Variants in HGS observed in about 807,000 individuals in gnomAD.
The protein encoded by HGS is human growth factor-regulated tyrosine kinase substrate.
HGS carries 63 observed loss-of-function variants against 109.7 expected under a neutral mutation model. That is an observed-to-expected ratio of 0.57 (90% CI 0.47 to 0.71). The LOEUF (loss-of-function observed/expected upper bound fraction) is 0.71. Ranked by LOEUF, HGS falls within the 30% of genes least tolerant of loss-of-function variation. HGS has a pLI of 0.00. For synonymous variants in HGS, 546 were observed against 437.3 expected, an observed-to-expected ratio of 1.25 and a Z score of -3.10; for missense variants, 995 against 1,068.3, an observed-to-expected ratio of 0.93 and a Z score of 0.96.
chr17:81,695,330 C>G, intron 14 of HGS, 107 bp downstream of exon 14: 1 of 1,237,896 alleles, frequency 8.1e-7, no homozygotes, highest in South Asian at 1.3e-5. Flanking sequence ...CGTGCTAGAG[C>G]AAGGGTGTCT....
At chr17:81,688,654 C>T in intron 4 of HGS, 50 bp from the exon 5 acceptor site, 2 of 1,606,854 alleles carry the variant, frequency 1.2e-6, no homozygotes, top group Non-Finnish European at 1.7e-6. Context: ...ACCGAGGCCT[C>T]TGGCGCCTGG....
At chr17:81,684,980 G>C in intron 1 of HGS, 1 of 985,418 alleles carries the variant, frequency 1.0e-6, no homozygotes, top group Non-Finnish European at 1.2e-6. Flanking sequence ...GATCGTTTCT[G>C]TATCCGGGAA....
intron 14 of HGS, among the ~76,000 whole-genome samples, chr17:81,695,433 C>T (rs1338692766): frequency 6.6e-6 from 1 of 152,268 alleles, no homozygotes; most frequent in Non-Finnish European, 1.5e-5. Context: ...GCTCGGGCCA[C>T]TCTCTGTGGA....
rs556225467 is a variant in HGS, at chr17:81,691,026, G to A, written c.537+284G>A. Among the ~76,000 whole-genome samples, 62 of 152,328 alleles carry A rather than the reference G, an allele frequency of 4.1e-4. No individual in the cohort carries two copies. The highest frequency in any genetic ancestry group is 1.4e-3 in the African/African-American group (60 of 41,568). ...AGTCACTCTGCTGCTTGCCAGGGCC[G>A]TGGGGCCCCCTTCTCTTTGTGGCTT... On this transcript the variant is annotated intron_variant, in intron 7 of 21. Coordinates refer to ENST00000329138, the MANE Select transcript of HGS (RefSeq NM_004712.5). This position sits in a 1 kb window ranked among gnomAD's most constrained non-coding sequence, Gnocchi z 5.3.
At position 81,691,783 on chromosome 17, in the gene HGS, G is replaced by A; in HGVS notation, c.662+212G>A. ...TGGGTGTGAGAGACAGGGCGCCGCG[G>A]CTCCAGGGACCGAGGCTGCCCCGAC... On this transcript the variant is annotated intron_variant, in intron 8 of 21. Transcript: ENST00000329138. The surrounding 1 kb of genome is among the most constrained non-coding windows in gnomAD (Gnocchi z 5.3). The A allele has an allele frequency of 1.8e-6, 1 of 543,404 alleles. No individual in the cohort carries two copies. The highest frequency in any genetic ancestry group is 1.9e-5 in the African/African-American group (1 of 53,028). 33.7% of individuals were successfully genotyped at this position (543,404 alleles called of 1,614,324 possible). A position where few individuals can be genotyped will look rare whatever the true frequency, so the allele number is the denominator to read the frequency against.
In HGS at chr17:81,695,768, A is replaced by G. The variant is rs748488460; in HGVS notation, c.1180-18A>G. On this transcript the variant is annotated intron_variant, in intron 14 of 21. Transcript: ENST00000329138. The stretch of plus-strand genomic sequence containing the variant: ...TGGGGCGTGGCCGCACTCATCCAGA[A>G]CCCTGCTCTGCCTGCAGCCACAGTT... 1 of 1,612,508 alleles carries G rather than the reference A, an allele frequency of 6.2e-7. No individual in the cohort carries two copies. Among genetic ancestry groups the G allele is most frequent in the South Asian group, 1.1e-5 (1 of 91,064 alleles).
Position 81,691,647 on chromosome 17 carries a change from G to T in HGS, c.662+76G>T, listed in dbSNP as rs1389597049. 4.5e-6 allele frequency: 7 copies of T among 1,572,432 alleles called. No individual in the cohort carries two copies. The African/African-American group carries it at 6.7e-5, about 15-fold the overall frequency. Reference sequence around the variant, plus strand: ...TGGGTTTTCTGTCCCTCTTGGCCATGGTGCCTGAGGCCTGCAGACCCCAGA... The same window carrying T: ...TGGGTTTTCTGTCCCTCTTGGCCATTGTGCCTGAGGCCTGCAGACCCCAGA... On this transcript the variant is annotated intron_variant, in intron 8 of 21. Transcript: ENST00000329138. This position sits in a 1 kb window ranked among gnomAD's most constrained non-coding sequence, Gnocchi z 5.3.
Position 81,693,596 on chromosome 17 carries a change from C to G in HGS, c.741+15C>G, listed in dbSNP as rs767432601. 1 of 1,574,080 alleles carries G rather than the reference C, an allele frequency of 6.4e-7. No individual in the cohort carries two copies. Among genetic ancestry groups the G allele is most frequent in the Admixed American group, 1.7e-5 (1 of 57,904 alleles). On this transcript the variant is annotated intron_variant, in intron 9 of 21. Coordinates refer to ENST00000329138, the MANE Select transcript of HGS (RefSeq NM_004712.5). ...AGCAGTCCCAGGTACTCAGCCCCCT[C>G]CGTCCCGTGGGCACCTCTTCCCCGG... is the stretch of plus-strand genomic sequence containing the variant.
intron 9 of HGS, 29 bp from the exon 10 acceptor site, chr17:81,693,625 C>A (rs761617624): frequency 6.5e-7 from 1 of 1,544,774 alleles, no homozygotes; most frequent in Non-Finnish European, 8.8e-7. Context: ...TCCCCGGCGC[C>A]CCCCCTCACC....
In HGS at chr17:81,696,684, G is replaced by A; in HGVS notation, c.1644G>A (p.Glu548=). 6.2e-7 allele frequency: 1 copy of A among 1,611,332 alleles called. No homozygotes were observed. The highest frequency in any genetic ancestry group is 1.1e-5 in the South Asian group (1 of 91,054). The change falls in exon 17 of 22, where the codon GAG becomes GAA. Residue 548 remains glutamate (E), a synonymous_variant. Coordinates refer to ENST00000329138, the MANE Select transcript of HGS (RefSeq NM_004712.5). ...AGAAGGAGCGGCAGATGCGGCTGGAGCAGCAGAAGCAGACGGTCCAGATGC... is the reference window on the plus strand; with the variant it reads ...AGAAGGAGCGGCAGATGCGGCTGGAACAGCAGAAGCAGACGGTCCAGATGC... ...EQEKERQMRL[E]QQKQTVQMRA...
chr17:81,697,279 G>A, intron 18 of HGS: 1 of 353,250 alleles, frequency 2.8e-6, no homozygotes, highest in Non-Finnish European at 5.2e-6. Flanking sequence ...CTCGTCTGTA[G>A]CAGGCTCAGC....
At chr17:81,693,066 A>G (rs540287951) in intron 8 of HGS, 1 of 170,436 alleles carries the variant, frequency 5.9e-6, no homozygotes, top group African/African-American at 2.4e-5. Context: ...GTGGTTGGAA[A>G]TTGCGACCAT....
rs1025196022 is a variant in HGS, at chr17:81,701,765, A to C, written c.*147A>C. 2.5e-6 allele frequency: 3 copies of C among 1,208,032 alleles called. No homozygotes were observed. The highest frequency in any genetic ancestry group is 1.7e-5 in the South Asian group (1 of 59,726). The allele number at this position is 1,208,032 out of a possible 1,614,324, so 74.8% of individuals were successfully genotyped here. A position where few individuals can be genotyped will look rare whatever the true frequency, so the allele number is the denominator to read the frequency against. ...GAGGGGGGGCCTTCACCCCAAGCCC[A>C]CCTCCCTTGTCCTCAGCCTACTGCA... On this transcript the variant is annotated 3_prime_UTR_variant, in exon 22 of 22. Coordinates refer to ENST00000329138, the MANE Select transcript of HGS (RefSeq NM_004712.5).
In HGS at chr17:81,701,556, C is replaced by G; in HGVS notation, c.2272C>G (p.Gln758Glu). 1 of 1,570,898 alleles carries G rather than the reference C, an allele frequency of 6.4e-7. No individual in the cohort carries two copies. The highest frequency in any genetic ancestry group is 8.6e-7 in the Non-Finnish European group (1 of 1,165,404). Residue 758 changes from glutamine (Q) to glutamate (E), a missense_variant, in exon 22 of 22, where the codon CAA (glutamine) becomes GAA (glutamate). By Grantham distance (29) the Gln-to-Glu change is conservative. This residue lies in a region of HGS where 326 missense variants were observed against 309.7 expected (regional missense o/e 1.05). Transcript: ENST00000329138. ...PPQQQPPVAQQPQAQGPPAQG... is the reference protein window; with the variant it reads ...PPQQQPPVAQEPQAQGPPAQG... ...CCAGCAGCAGCCCCCCGTGGCCCAGCAACCGCAGGCACAGGGGCCGCCGGC... is the reference window on the plus strand; with the variant it reads ...CCAGCAGCAGCCCCCCGTGGCCCAGGAACCGCAGGCACAGGGGCCGCCGGC...
rs540252747 is a variant in HGS, at chr17:81,696,952, G to A, written c.1836G>A (p.Pro612=). Residue 612 remains proline (P), a synonymous_variant, in exon 18 of 22, where the codon CCG becomes CCA. Coordinates refer to ENST00000329138, the MANE Select transcript of HGS (RefSeq NM_004712.5). Reference sequence around the variant, plus strand: ...TGCACGGCGTGTACATGAGCCAGCCGGCCCCTGCCGCTGGCCCCTACCCCA... The same window carrying A: ...TGCACGGCGTGTACATGAGCCAGCCAGCCCCTGCCGCTGGCCCCTACCCCA... ...SPMHGVYMSQ[P]APAAGPYPSM... 9.0e-5 allele frequency: 144 copies of A among 1,603,090 alleles called. 1 individual carries two copies. The South Asian group carries it at 1.1e-3, about 12-fold the overall frequency.
intron 8 of HGS, among the ~76,000 whole-genome samples, chr17:81,693,293 C>T (rs901604897): frequency 2.0e-5 from 3 of 152,242 alleles, no homozygotes; most frequent in Non-Finnish European, 4.4e-5. Flanking sequence ...CCCTGAGGGA[C>T]TCACCCGAGC....
chr17:81,688,281 C>G (rs1022413861), intron 4 of HGS, among the ~76,000 whole-genome samples: 1 of 152,104 alleles, frequency 6.6e-6, no homozygotes, highest in East Asian at 1.9e-4. Flanking sequence ...GCGGCTGCCC[C>G]CCGCGTCTCC....
intron 13 of HGS, 24 bp downstream of exon 13, chr17:81,695,091 C>T (rs1437329581): frequency 1.9e-6 from 3 of 1,612,132 alleles, no homozygotes; most frequent in Non-Finnish European, 2.5e-6. Context: ...TCCCGGCATT[C>T]CTAGTGGCAG....
At chr17:81,696,179 TGC>T (rs1447454655) in intron 15 of HGS, 176 bp from the exon 16 acceptor site, 16 of 898,774 alleles carry the variant, frequency 1.8e-5, no homozygotes, top group Non-Finnish European at 2.6e-5. Context: ...TGCCCTGCCC[TGC>T]CCTGCCCTGC....
Sources: allele counts gnomAD v4.1 joint callset (sites outside exome capture counted in the v4.1 genomes callset), GRCh38; gene constraint gnomAD v4.1.1; regional missense constraint gnomAD v4.1.1; non-coding constraint Gnocchi (gnomAD v3.1); transcripts MANE v1.5; gene names NCBI Gene and HGNC (gene_info 2026-07-23, HGNC 2026-07-21).